Variants in PCCA observed in about 807,000 individuals in gnomAD.
PCCA encodes the protein propionyl-CoA carboxylase subunit alpha, also known as propionyl-CoA carboxylase alpha chain, mitochondrial.
In PCCA, 74 loss-of-function variants were observed where a neutral mutation model predicts 101.3. That is an observed-to-expected ratio of 0.73 (90% CI 0.61 to 0.89). The LOEUF is 0.89. PCCA is among the 40% of genes least tolerant of loss of function. The pLI is 0.00. For missense variants in PCCA, 891 were observed against 907.0 expected, an observed-to-expected ratio of 0.98 and a Z score of 0.23; for synonymous variants, 294 against 313.6, an observed-to-expected ratio of 0.94 and a Z score of 0.66.
At chr13:100,131,137 A>G (rs2050474030) in intron 4 of PCCA, among the ~76,000 whole-genome samples, 1 of 152,124 alleles carries the variant, frequency 6.6e-6, no homozygotes, top group African/African-American at 2.4e-5. Flanking sequence ...AGAAAAAAAA[A>G]GGGGCTTGGC....
intron 8 of PCCA, among the ~76,000 whole-genome samples, chr13:100,242,554 A>G (rs1016363854): frequency 3.3e-5 from 5 of 152,234 alleles, no homozygotes; most frequent in Admixed American, 3.3e-4. Context: ...CCTTATGGAT[A>G]TATAATGACC....
At chr13:100,187,285 C>G (rs2057361647) in intron 6 of PCCA, among the ~76,000 whole-genome samples, 1 of 152,144 alleles carries the variant, frequency 6.6e-6, no homozygotes, top group African/African-American at 2.4e-5. Context: ...AGAGGATAAT[C>G]ACTGTAAGAA....
intron 4 of PCCA, among the ~76,000 whole-genome samples, chr13:100,142,365 C>G (rs1307847253): frequency 6.6e-6 from 1 of 152,128 alleles, no homozygotes; most frequent in East Asian, 1.9e-4. Context: ...ATTGCTGCTG[C>G]CAGGTAGGGT....
chr13:100,118,723 A>G (rs1594190224), intron 4 of PCCA, among the ~76,000 whole-genome samples: 1 of 151,596 alleles, frequency 6.6e-6, no homozygotes, highest in African/African-American at 2.4e-5. Context: ...TGATTTTTGT[A>G]TTTTTTGTAA....
rs555144664 is a variant in PCCA, at chr13:100,524,727, C to T, written c.2041-2948C>T. On this transcript the variant is annotated intron_variant, in intron 22 of 23. Coordinates refer to ENST00000376285, the MANE Select transcript of PCCA (RefSeq NM_000282.4). The stretch of plus-strand genomic sequence containing the variant: ...TCTGTACTAAAAATACAAAAATTAG[C>T]TGGGCGTGGTGGTGCACACCTGTAT... Among the ~76,000 whole-genome samples the T allele has an allele frequency of 6.6e-5, 10 of 152,172 alleles. No homozygotes were observed. In the East Asian group the frequency reaches 1.9e-3, roughly 29 times the overall value.
chr13:100,133,802 C>T (rs1041570540), intron 4 of PCCA, among the ~76,000 whole-genome samples: 2 of 152,188 alleles, frequency 1.3e-5, no homozygotes, highest in African/African-American at 2.4e-5. Context: ...ACCCTCTAAT[C>T]AGCTGCCAGC....
intron 4 of PCCA, among the ~76,000 whole-genome samples, chr13:100,153,520 T>C (rs2053581252): frequency 6.6e-6 from 1 of 152,206 alleles, no homozygotes; most frequent in Non-Finnish European, 1.5e-5. Flanking sequence ...GATTGTGAAG[T>C]ACTCAATTTC....
chr13:100,105,657 C>CAAAAAAAA (rs34277733), intron 2 of PCCA, among the ~76,000 whole-genome samples: 1 of 75,862 alleles, frequency 1.3e-5, no homozygotes, highest in Non-Finnish European at 2.5e-5. Context: ...CTGTCTCTAC[C>CAAAAAAAA]AAAAAAAAAA....
chr13:100,262,895 A>T (rs1170236716), intron 10 of PCCA, 64 bp downstream of exon 10: 1 of 755,454 alleles, frequency 1.3e-6, no homozygotes, highest in Non-Finnish European at 2.3e-6. Flanking sequence ...TCCTATTGGA[A>T]TTATCTTTTC....
rs1243072074 is a variant in PCCA at position 100,154,848 on chromosome 13, A to G, written c.301-131A>G. 5.5e-6 allele frequency: 4 copies of G among 728,856 alleles called. No homozygotes were observed. The Admixed American group carries it at 5.8e-5, about 10-fold the overall frequency. 45.1% of individuals were successfully genotyped at this position (728,856 alleles called of 1,614,324 possible). ...TTGTTGCATTGTTGCTTTTTAGTGC[A>G]TACTCAAAAAGAAATACGACTCTAT... On this transcript the variant is annotated intron_variant, in intron 4 of 23. Coordinates refer to ENST00000376285, the MANE Select transcript of PCCA (RefSeq NM_000282.4).
chr13:100,457,860 C>T (rs1028076845), intron 21 of PCCA, among the ~76,000 whole-genome samples: 5 of 152,118 alleles, frequency 3.3e-5, no homozygotes, highest in African/African-American at 1.2e-4. Context: ...CTGCCATGCC[C>T]CCCTTGGAGG....
chr13:100,381,509 G>A (rs576333014), intron 19 of PCCA, among the ~76,000 whole-genome samples: 68 of 152,294 alleles, frequency 4.5e-4, no homozygotes, highest in African/African-American at 1.6e-3. Context: ...TCCTCAAATG[G>A]TTAAATATCT....
At chr13:100,161,627 T>A (rs2054481623) in intron 6 of PCCA, 1 of 151,920 alleles carries the variant, frequency 6.6e-6, no homozygotes, top group Admixed American at 6.6e-5. Flanking sequence ...TTAAAAATGA[T>A]CCATATGATA....
At chr13:100,214,411 T>G (rs984083344) in intron 7 of PCCA, among the ~76,000 whole-genome samples, 1 of 151,498 alleles carries the variant, frequency 6.6e-6, no homozygotes, top group Non-Finnish European at 1.5e-5. Context: ...TTATAGTTGT[T>G]TTTTTGTGTG....
intron 8 of PCCA, among the ~76,000 whole-genome samples, chr13:100,250,880 G>A (rs2061706857): frequency 6.6e-6 from 1 of 152,096 alleles, no homozygotes; most frequent in African/African-American, 2.4e-5. Flanking sequence ...CTTGTATTAT[G>A]CTGTCTCTCT....
At chr13:100,263,172 G>T (rs755177871) in intron 10 of PCCA, among the ~76,000 whole-genome samples, 3 of 152,176 alleles carry the variant, frequency 2.0e-5, no homozygotes, top group Admixed American at 1.3e-4. Context: ...TCTGCTAGGA[G>T]CTTGTTGTAT....
At chr13:100,479,345 C>T (rs1458130899) in intron 21 of PCCA, among the ~76,000 whole-genome samples, 1 of 151,998 alleles carries the variant, frequency 6.6e-6, no homozygotes, top group Non-Finnish European at 1.5e-5. Context: ...TACAGTGGGC[C>T]CTTGAACAAT....
chr13:100,175,370 A>G (rs2056142147), intron 6 of PCCA, among the ~76,000 whole-genome samples: 1 of 152,342 alleles, frequency 6.6e-6, no homozygotes, highest in East Asian at 1.9e-4. Flanking sequence ...CCACATGTCT[A>G]CTAATGTTTT....
chr13:100,100,819 C>T (rs576843117), intron 1 of PCCA, among the ~76,000 whole-genome samples: 169 of 150,228 alleles, frequency 1.1e-3, no homozygotes, highest in African/African-American at 3.8e-3. Flanking sequence ...CAGTGTTTCG[C>T]TCTTTTTGCC....
Sources: gnomAD v4.1 joint callset for allele counts (sites outside exome capture counted in the v4.1 genomes callset) on GRCh38, gnomAD v4.1.1 for gene constraint, MANE v1.5 for transcripts, NCBI Gene and HGNC (gene_info 2026-07-23, HGNC 2026-07-21) for gene names.